The following RC3H1 variants were observed in gnomAD, a reference collection of about 807,000 sequenced individuals.
RC3H1 encodes the protein ring finger and CCCH-type domains 1.
Under a neutral mutation model 138.2 loss-of-function variants are expected in RC3H1, and 50 were observed. The ratio of observed to expected loss-of-function variants is 0.36; its 90% CI spans 0.29 to 0.46. The LOEUF (loss-of-function observed/expected upper bound fraction) is 0.46, where lower values mean the gene tolerates loss of function less well. Ranked by LOEUF, RC3H1 falls within the 20% of genes least tolerant of loss-of-function variation. The probability of loss-of-function intolerance (pLI) is 1.00; values close to 1 mark genes in which losing one functional copy is unlikely to be tolerated. For missense variants in RC3H1, 1,031 were observed against 1,388.1 expected (o/e 0.74, Z 4.09); for synonymous variants, 462 against 489.1 (o/e 0.94, Z 0.73).
At chr1:174,005,010 T>G (rs960204007) in intron 1 of RC3H1, among the ~76,000 whole-genome samples, 12 of 152,160 alleles carry the variant, frequency 7.9e-5, no homozygotes, top group African/African-American at 2.7e-4. Flanking sequence ...ATAGGACAGC[T>G]TCCTAAGTAT....
intron 2 of RC3H1, among the ~76,000 whole-genome samples, chr1:173,990,903 A>G (rs1661258349): frequency 6.6e-6 from 1 of 152,148 alleles, no homozygotes; most frequent in Non-Finnish European, 1.5e-5. Flanking sequence ...TGCCTGGCCT[A>G]AGAAAACTGT....
At chr1:173,961,343 TATACCC>T in intron 12 of RC3H1, 99 bp from the exon 13 acceptor site, 5 of 1,055,318 alleles carry the variant, frequency 4.7e-6, no homozygotes, top group Non-Finnish European at 6.8e-6. Context: ...AAACAGCTTG[TATACCC>T]TTCTTAACAT....
intron 1 of RC3H1, among the ~76,000 whole-genome samples, chr1:174,007,947 G>C (rs1282425421): frequency 1.3e-5 from 2 of 152,172 alleles, no homozygotes. Context: ...ACAAAAATGA[G>C]TGTCAATAAA....
intron 19 of RC3H1, among the ~76,000 whole-genome samples, chr1:173,939,652 C>A (rs1658754454): frequency 6.7e-6 from 1 of 148,322 alleles, no homozygotes; most frequent in Non-Finnish European, 1.5e-5. Context: ...CTGGCTAAGA[C>A]ACTGAAACCC....
intron 14 of RC3H1, among the ~76,000 whole-genome samples, chr1:173,951,331 C>T (rs551064208): frequency 2.0e-5 from 3 of 149,124 alleles, no homozygotes; most frequent in African/African-American, 7.6e-5. Flanking sequence ...ATCCCCCCCC[C>T]AAAAAAAGAG....
chr1:173,986,507 T>C (rs1661038603), intron 2 of RC3H1, among the ~76,000 whole-genome samples: 1 of 152,102 alleles, frequency 6.6e-6, no homozygotes, highest in Non-Finnish European at 1.5e-5. Context: ...CTCGAATTCC[T>C]GGGCTCAAGC....
intron 1 of RC3H1, among the ~76,000 whole-genome samples, chr1:174,003,933 T>A (rs1661605192): frequency 1.3e-5 from 2 of 151,726 alleles, no homozygotes; most frequent in South Asian, 4.1e-4. Context: ...AGTGCTGAGA[T>A]TACAGGCATA....
chr1:173,954,564 G>C (rs930338649), intron 13 of RC3H1, among the ~76,000 whole-genome samples: 2 of 152,218 alleles, frequency 1.3e-5, no homozygotes, highest in Non-Finnish European at 2.9e-5. Context: ...AACTAGAAGA[G>C]AGGATTGTTT....
Position 173,970,445 on chromosome 1 carries a change from T to A in RC3H1, c.1334+60A>T, listed in dbSNP as rs139070353. ...AGCAGCTACTCTTTCTGTATTTCTG[T>A]ATGTCAGCGAATTATTCCACTTACA... On this transcript the variant is annotated intron_variant, in intron 9 of 19. Transcript: ENST00000367696. 2.7e-5 allele frequency: 28 copies of A among 1,041,996 alleles called. No individual in the cohort carries two copies. In the African/African-American group the frequency reaches 3.6e-4, roughly 13 times the overall value. The allele number at this position is 1,041,996 out of a possible 1,614,324, so 64.5% of individuals were successfully genotyped here. A position where few individuals can be genotyped will look rare whatever the true frequency, so the allele number is the denominator to read the frequency against.
intron 7 of RC3H1, 64 bp from the exon 8 acceptor site, chr1:173,972,691 T>A (rs1660415859): frequency 2.9e-6 from 3 of 1,044,688 alleles, no homozygotes; most frequent in Non-Finnish European, 4.5e-6. Flanking sequence ...AATATCAAAT[T>A]AATAAAAGAG....
At chr1:174,013,547 T>C (rs967408920) in intron 1 of RC3H1, among the ~76,000 whole-genome samples, 3 of 151,910 alleles carry the variant, frequency 2.0e-5, no homozygotes, top group African/African-American at 7.3e-5. Flanking sequence ...GTTCAAGCGA[T>C]TCTCCTGCCT....
At chr1:173,967,620 A>G (rs1425394829) in intron 9 of RC3H1, among the ~76,000 whole-genome samples, 4 of 152,116 alleles carry the variant, frequency 2.6e-5, no homozygotes, top group African/African-American at 9.7e-5. Context: ...GGCCATTAGT[A>G]TTTCTTCCGT....
intron 1 of RC3H1, among the ~76,000 whole-genome samples, chr1:174,021,493 T>G (rs1661958033): frequency 6.6e-6 from 1 of 151,898 alleles, no homozygotes. Flanking sequence ...GTTTTTTGTT[T>G]TTTTTTTTTA....
rs1056536458 is a variant in RC3H1 at position 173,992,779 on chromosome 1, T to C, written c.207A>G (p.Ala69=). 7 of 1,613,506 alleles carry C rather than the reference T, an allele frequency of 4.3e-6. No individual in the cohort carries two copies. Among genetic ancestry groups the C allele is most frequent in the African/African-American group, 1.3e-5 (1 of 74,754 alleles). Residue 69 remains alanine (A), a synonymous_variant, in exon 2 of 20, where the codon GCA becomes GCG. Transcript: ENST00000367696. Reference sequence around the variant, plus strand: ...CCTGAGCACCCACGAGCTGCAGCAATGCTGAGTTCACAGGGAGGAGCTCAA... The same window carrying C: ...CCTGAGCACCCACGAGCTGCAGCAACGCTGAGTTCACAGGGAGGAGCTCAA... ...TDIELLPVNS[A]LLQLVGAQVP...
chr1:174,022,329 C>T lies in RC3H1; in HGVS notation c.-384G>A, dbSNP rs1270018379. Reference sequence around the variant, plus strand: ...TGCTCGGCCTCCTCTTCCTCCTCCTCGTCCTCCGCCGCCCAGTCGCTCGTT... The same window carrying T: ...TGCTCGGCCTCCTCTTCCTCCTCCTTGTCCTCCGCCGCCCAGTCGCTCGTT... On this transcript the variant is annotated 5_prime_UTR_variant, in exon 1 of 20. Coordinates refer to ENST00000367696, the MANE Select transcript of RC3H1 (RefSeq NM_172071.4). This position sits in a 1 kb window ranked among gnomAD's most constrained non-coding sequence, Gnocchi z 4.2. 4 of 380,178 alleles carry T rather than the reference C, an allele frequency of 1.1e-5. No individual in the cohort carries two copies. Among genetic ancestry groups the T allele is most frequent in the Non-Finnish European group, 1.9e-5 (4 of 214,636 alleles). The allele number at this position is 380,178 out of a possible 1,614,324, so 23.6% of individuals were successfully genotyped here. A position where few individuals can be genotyped will look rare whatever the true frequency, so the allele number is the denominator to read the frequency against.
chr1:173,976,401 C>T (rs1382869621), intron 7 of RC3H1, among the ~76,000 whole-genome samples: 2 of 151,150 alleles, frequency 1.3e-5, no homozygotes, highest in East Asian at 1.9e-4. Context: ...TGCAGTGAAC[C>T]GAGATCTTGC....
intron 14 of RC3H1, among the ~76,000 whole-genome samples, chr1:173,948,970 T>C (rs1659259031): frequency 6.6e-6 from 1 of 152,084 alleles, no homozygotes; most frequent in Admixed American, 6.6e-5. Flanking sequence ...AACCCTTTCC[T>C]TTTGAAAGCC....
chr1:173,952,250 G>A (rs1659438395), intron 13 of RC3H1, 112 bp from the exon 14 acceptor site: 5 of 639,428 alleles, frequency 7.8e-6, no homozygotes, highest in Admixed American at 4.1e-5. Context: ...TTAGAACATC[G>A]TGCTGAAGCA....
chr1:173,975,670 G>A (rs1243235720), intron 7 of RC3H1, among the ~76,000 whole-genome samples: 2 of 59,810 alleles, frequency 3.3e-5, no homozygotes, highest in Non-Finnish European at 5.2e-5. Context: ...AGGCCGAGGC[G>A]GGCGGATCAC....
Sources: allele counts gnomAD v4.1 joint callset (sites outside exome capture counted in the v4.1 genomes callset), GRCh38; gene constraint gnomAD v4.1.1; non-coding constraint Gnocchi (gnomAD v3.1); transcripts MANE v1.5; gene names NCBI Gene and HGNC (gene_info 2026-07-23, HGNC 2026-07-21).